Variants in NCOA1 observed in about 807,000 individuals in gnomAD.
The protein encoded by NCOA1 is nuclear receptor coactivator 1.
NCOA1 carries 35 observed loss-of-function variants against 150.9 expected under a neutral mutation model. That is an observed-to-expected ratio of 0.23 (90% CI 0.18 to 0.31). NCOA1 has a LOEUF of 0.31. Among genes scored for constraint, NCOA1 ranks in the 10% least tolerant of loss-of-function variants. The pLI is 1.00. For missense variants in NCOA1, 1,491 were observed against 1,749.3 expected (o/e 0.85, Z 2.63); for synonymous variants, 590 against 630.0 (o/e 0.94, Z 0.95).
intron 7 of NCOA1, among the ~76,000 whole-genome samples, chr2:24,679,077 C>T (rs1172267597): frequency 4.6e-5 from 7 of 152,326 alleles, no homozygotes; most frequent in Non-Finnish European, 8.8e-5. Context: ...CATTTAAAGC[C>T]AGGGCCCTGT....
chr2:24,751,646 T>C (rs1355042521), intron 19 of NCOA1, among the ~76,000 whole-genome samples: 1 of 152,072 alleles, frequency 6.6e-6, no homozygotes, highest in Non-Finnish European at 1.5e-5. Context: ...TTCATACATA[T>C]TTTTACACTT....
intron 3 of NCOA1, among the ~76,000 whole-genome samples, chr2:24,596,747 A>T (rs1050627320): frequency 4.6e-5 from 7 of 152,188 alleles, no homozygotes; most frequent in Non-Finnish European, 8.8e-5. Context: ...TATACTTAAG[A>T]TGATTTCAAA....
chr2:24,606,656 A>G (rs555552526), intron 3 of NCOA1, among the ~76,000 whole-genome samples: 18 of 152,292 alleles, frequency 1.2e-4, no homozygotes, highest in African/African-American at 4.3e-4. Flanking sequence ...TGCTGTCTCC[A>G]TATTTTCAGT....
At chr2:24,637,023 G>A (rs1018376033) in intron 3 of NCOA1, among the ~76,000 whole-genome samples, 19 of 151,280 alleles carry the variant, frequency 1.3e-4, no homozygotes, top group South Asian at 1.1e-3. Context: ...TATTAATAGC[G>A]TATCCCTCAT....
chr2:24,693,813 C>T (rs1672777327), intron 10 of NCOA1, among the ~76,000 whole-genome samples: 1 of 151,292 alleles, frequency 6.6e-6, no homozygotes, highest in Non-Finnish European at 1.5e-5. Flanking sequence ...TAGGTGATTC[C>T]TCAAGATGTA....
intron 1 of NCOA1, among the ~76,000 whole-genome samples, chr2:24,558,676 G>A (rs1666177904): frequency 6.6e-6 from 1 of 152,194 alleles, no homozygotes; most frequent in Non-Finnish European, 1.5e-5. Context: ...AAACACCGAA[G>A]CATCAGGTTT....
chr2:24,651,067 T>G (rs1670690134), intron 4 of NCOA1, among the ~76,000 whole-genome samples: 1 of 152,012 alleles, frequency 6.6e-6, no homozygotes, highest in Non-Finnish European at 1.5e-5. Flanking sequence ...GCAAAGGTGT[T>G]GAGAAAAGGG....
intron 6 of NCOA1, among the ~76,000 whole-genome samples, chr2:24,670,750 G>A (rs1262439238): frequency 6.6e-6 from 1 of 152,150 alleles, no homozygotes; most frequent in Non-Finnish European, 1.5e-5. Context: ...AAAATTGGTT[G>A]TGACAGTGGT....
At position 24,682,928 on chromosome 2, in the gene NCOA1, AT is replaced by A; in HGVS notation, c.355-16del. The A allele has an allele frequency of 1.9e-6, 3 of 1,558,146 alleles. No individual in the cohort carries two copies. In the South Asian group the frequency reaches 3.7e-5, roughly 19 times the overall value. On this transcript the variant is annotated intron_variant, in intron 7 of 22. Coordinates refer to ENST00000348332, the MANE Select transcript of NCOA1 (RefSeq NM_003743.5). ...TCTTTTATCTTTCAACCTCCAAACC[AT>A]TTTTTTCTTTTGGTTTTGCAGGCTT...
At chr2:24,708,026 C>A in intron 13 of NCOA1, 138 bp downstream of exon 13, 1 of 1,083,372 alleles carries the variant, frequency 9.2e-7, no homozygotes, top group Non-Finnish European at 1.3e-6. Flanking sequence ...AGGTTAGTAT[C>A]AATAACTGAT....
intron 6 of NCOA1, among the ~76,000 whole-genome samples, chr2:24,666,952 AAC>A (rs1467671138): frequency 6.6e-6 from 1 of 152,156 alleles, no homozygotes; most frequent in Non-Finnish European, 1.5e-5. Context: ...ACTTTGAAGA[AAC>A]AATCCCACAA....
chr2:24,710,805 T>C (rs991729932), intron 13 of NCOA1, 126 bp from the exon 14 acceptor site: 1 of 893,020 alleles, frequency 1.1e-6, no homozygotes, highest in Admixed American at 2.8e-5. Flanking sequence ...TCTAATTATT[T>C]CTTCTTTCTT....
chr2:24,763,272 G>A (rs1251727194), intron 22 of NCOA1, among the ~76,000 whole-genome samples: 2 of 152,118 alleles, frequency 1.3e-5, no homozygotes, highest in Non-Finnish European at 2.9e-5. Flanking sequence ...GGGCGCGGTG[G>A]CTCATGCCTG....
At chr2:24,569,121 T>C (rs1173641185) in intron 2 of NCOA1, among the ~76,000 whole-genome samples, 13 of 151,706 alleles carry the variant, frequency 8.6e-5, no homozygotes, top group Non-Finnish European at 1.9e-4. Flanking sequence ...CATTTAGTAA[T>C]GTGACTTTTT....
chr2:24,670,712 GT>G (rs1328643625), intron 6 of NCOA1, among the ~76,000 whole-genome samples: 1 of 152,174 alleles, frequency 6.6e-6, no homozygotes, highest in Non-Finnish European at 1.5e-5. Flanking sequence ...TGGGAATGGA[GT>G]TTTTTGGGAG....
At chr2:24,552,158 A>AATCAGC (rs1665854167) in intron 1 of NCOA1, among the ~76,000 whole-genome samples, 1 of 151,468 alleles carries the variant, frequency 6.6e-6, no homozygotes, top group Non-Finnish European at 1.5e-5. Flanking sequence ...AAAATTTTAG[A>AATCAGC]ATCAGCTTGT....
intron 1 of NCOA1, among the ~76,000 whole-genome samples, chr2:24,546,014 C>A (rs1217735116): frequency 6.6e-6 from 1 of 152,134 alleles, no homozygotes; most frequent in Non-Finnish European, 1.5e-5. Flanking sequence ...GTCTTGAACT[C>A]CTGACCTCAG....
At chr2:24,550,057 TTCC>T (rs1157153890) in intron 1 of NCOA1, among the ~76,000 whole-genome samples, 1 of 152,160 alleles carries the variant, frequency 6.6e-6, no homozygotes, top group Non-Finnish European at 1.5e-5. Flanking sequence ...AGCAAACAAC[TTCC>T]TCCTCTCCAT....
intron 1 of NCOA1, among the ~76,000 whole-genome samples, chr2:24,551,233 T>C (rs1261936367): frequency 6.6e-6 from 1 of 152,204 alleles, no homozygotes; most frequent in East Asian, 1.9e-4. Context: ...GTTAAACATA[T>C]GTACCATGTC....
Sources: gnomAD v4.1 joint callset for allele counts (sites outside exome capture counted in the v4.1 genomes callset) on GRCh38, gnomAD v4.1.1 for gene constraint, MANE v1.5 for transcripts, NCBI Gene and HGNC (gene_info 2026-07-23, HGNC 2026-07-21) for gene names.